Variants in NFIB observed in about 807,000 individuals in gnomAD.
NFIB encodes the protein nuclear factor I B.
A neutral mutation model predicts 61.5 loss-of-function variants in NFIB; 11 were observed. The observed-to-expected ratio is 0.18, with a 90% CI of 0.11 to 0.30. The LOEUF (loss-of-function observed/expected upper bound fraction) is 0.30. Among genes scored for constraint, NFIB ranks in the 10% least tolerant of loss-of-function variants. The pLI, the probability that NFIB is intolerant of heterozygous loss-of-function variation, is 1.00. For missense variants in NFIB, 471 were observed against 608.9 expected (o/e 0.77, Z 2.38); for synonymous variants, 260 against 216.5 (o/e 1.20, Z -1.76).
chr9:14,413,549 T>A, the NFIB span, among the ~76,000 whole-genome samples: 1 of 152,186 alleles, frequency 6.6e-6, no homozygotes, highest in Non-Finnish European at 1.5e-5. Flanking sequence ...GTGAAGACAC[T>A]AGTAATTACC....
At chr9:14,213,119 T>C (rs1289697479) in intron 2 of NFIB, among the ~76,000 whole-genome samples, 1 of 152,228 alleles carries the variant, frequency 6.6e-6, no homozygotes, top group Non-Finnish European at 1.5e-5. Flanking sequence ...AAAGGTAATA[T>C]AGCATATAAT....
chr9:14,093,078 G>A (rs879472543), intron 10 of NFIB, among the ~76,000 whole-genome samples: 2 of 151,830 alleles, frequency 1.3e-5, no homozygotes, highest in African/African-American at 2.4e-5. Flanking sequence ...GGAACCACAG[G>A]GTGCCACATT....
chr9:14,386,991 G>GA (rs1415634849), intron 1 of NFIB, among the ~76,000 whole-genome samples: 4 of 152,206 alleles, frequency 2.6e-5, no homozygotes, highest in Non-Finnish European at 2.9e-5. Flanking sequence ...TTTAAGAGGA[G>GA]AAAAAATGTA....
chr9:14,305,293 G>T (rs2059959751), intron 2 of NFIB, among the ~76,000 whole-genome samples: 1 of 152,138 alleles, frequency 6.6e-6, no homozygotes, highest in South Asian at 2.1e-4. Flanking sequence ...GTAGTGAAGT[G>T]GTTGCAAATC....
At chr9:14,471,256 GCATGTAGGA>G in the NFIB span, among the ~76,000 whole-genome samples, 2 of 152,164 alleles carry the variant, frequency 1.3e-5, no homozygotes, top group East Asian at 3.9e-4. Flanking sequence ...CTGATGTTAC[GCATGTAGGA>G]CATGAAGTCT....
intron 2 of NFIB, among the ~76,000 whole-genome samples, chr9:14,219,972 C>A (rs1417861271): frequency 6.6e-6 from 1 of 152,166 alleles, no homozygotes; most frequent in Non-Finnish European, 1.5e-5. Flanking sequence ...TGGAACTACA[C>A]CAAAAAAACT....
chr9:14,347,331 A>G (rs1228886982), intron 1 of NFIB: 3 of 152,196 alleles, frequency 2.0e-5, no homozygotes, highest in East Asian at 1.9e-4. Context: ...CGGGGGCTCC[A>G]CCACCGCGCG....
chr9:14,287,613 CG>C (rs746555241), intron 2 of NFIB, among the ~76,000 whole-genome samples: 2 of 151,536 alleles, frequency 1.3e-5, no homozygotes, highest in Non-Finnish European at 2.9e-5. Context: ...TTAGTAGAGA[CG>C]GGGTTTCACC....
chr9:14,204,055 T>G (rs2131652510), intron 2 of NFIB, among the ~76,000 whole-genome samples: 1 of 152,318 alleles, frequency 6.6e-6, no homozygotes, highest in African/African-American at 2.4e-5. Context: ...ACTTATAATC[T>G]CTATCAAAGC....
intron 1 of NFIB, among the ~76,000 whole-genome samples, chr9:14,379,867 G>C (rs539741178): frequency 6.6e-5 from 10 of 152,118 alleles, no homozygotes; most frequent in African/African-American, 2.4e-4. Flanking sequence ...ATTTTTAGTA[G>C]AGACGGGGTT....
the NFIB span, among the ~76,000 whole-genome samples, chr9:14,444,363 C>T: frequency 7.2e-5 from 11 of 152,020 alleles, no homozygotes; most frequent in South Asian, 2.1e-4. Context: ...TTTTAGGTAA[C>T]GGTAAGTCAT....
intron 2 of NFIB, among the ~76,000 whole-genome samples, chr9:14,291,761 T>A (rs2059117832): frequency 1.3e-5 from 2 of 151,718 alleles, no homozygotes; most frequent in Non-Finnish European, 2.9e-5. Context: ...CAGCTCCTCA[T>A]AACTAGCTCT....
At chr9:14,425,607 A>ATTTT in the NFIB span, among the ~76,000 whole-genome samples, 36 of 99,008 alleles carry the variant, frequency 3.6e-4, no homozygotes, top group Admixed American at 5.8e-4. Context: ...TTGCTACATA[A>ATTTT]TTTTTTTTTT....
At chr9:14,260,770 T>TG (rs1415364825) in intron 2 of NFIB, among the ~76,000 whole-genome samples, 1 of 152,156 alleles carries the variant, frequency 6.6e-6, no homozygotes, top group Non-Finnish European at 1.5e-5. Flanking sequence ...TCTTCTATAC[T>TG]GGGTTCAGGC....
the NFIB span, among the ~76,000 whole-genome samples, chr9:14,408,324 C>G: frequency 6.6e-6 from 1 of 152,114 alleles, no homozygotes; most frequent in Admixed American, 6.5e-5. Context: ...AAACCATGAA[C>G]CTATTTCAGC....
intron 3 of NFIB, among the ~76,000 whole-genome samples, chr9:14,159,871 G>A (rs1191666835): frequency 2.0e-5 from 3 of 152,108 alleles, no homozygotes; most frequent in South Asian, 4.1e-4. Context: ...GGGCCTTTCA[G>A]GAACATGTTT....
At chr9:14,229,831 G>C (rs1402460354) in intron 2 of NFIB, among the ~76,000 whole-genome samples, 1 of 152,114 alleles carries the variant, frequency 6.6e-6, no homozygotes, top group African/African-American at 2.4e-5. Flanking sequence ...ACTAACATCT[G>C]CTAGGTGATA....
the NFIB span, among the ~76,000 whole-genome samples, chr9:14,408,664 T>C: frequency 6.6e-6 from 1 of 152,166 alleles, no homozygotes; most frequent in Non-Finnish European, 1.5e-5. Flanking sequence ...ACAACGAAAG[T>C]TGGATGTTTT....
At chr9:14,267,316 AAGT>A (rs973572212) in intron 2 of NFIB, among the ~76,000 whole-genome samples, 2 of 152,190 alleles carry the variant, frequency 1.3e-5, no homozygotes, top group African/African-American at 2.4e-5. Context: ...GATTCCACAA[AAGT>A]AGTCTATAGA....
Sources: allele counts gnomAD v4.1 joint callset (sites outside exome capture counted in the v4.1 genomes callset), GRCh38; gene constraint gnomAD v4.1.1; transcripts MANE v1.5; gene names NCBI Gene and HGNC (gene_info 2026-07-23, HGNC 2026-07-21).